MAGI2: variants seen among roughly 807,000 people sequenced by gnomAD.
MAGI2 encodes membrane associated guanylate kinase, WW and PDZ domain containing 2.
Under a neutral mutation model 133.3 loss-of-function variants are expected in MAGI2, and 35 were observed. The ratio of observed to expected loss-of-function variants is 0.26; its 90% CI spans 0.20 to 0.35. The LOEUF (loss-of-function observed/expected upper bound fraction) is 0.35, where lower values mean the gene tolerates loss of function less well. Ranked by LOEUF, MAGI2 falls within the 10% of genes least tolerant of loss-of-function variation. MAGI2 has a pLI of 1.00. For missense variants in MAGI2, 1,636 were observed against 1,863.4 expected (o/e 0.88, Z 2.25); for synonymous variants, 729 against 710.6 (o/e 1.03, Z -0.41).
At chr7:78,977,941 A>G (rs980842552) in intron 2 of MAGI2, among the ~76,000 whole-genome samples, 1 of 151,898 alleles carries the variant, frequency 6.6e-6, no homozygotes, top group Non-Finnish European at 1.5e-5. Context: ...ATCATTTGTC[A>G]TTAGGGAAAT....
intron 6 of MAGI2, among the ~76,000 whole-genome samples, chr7:78,377,974 G>C (rs927699580): frequency 1.3e-5 from 2 of 151,926 alleles, no homozygotes; most frequent in African/African-American, 4.8e-5. Context: ...ATAAAACCTA[G>C]AGATATTTTG....
intron 1 of MAGI2, among the ~76,000 whole-genome samples, chr7:79,315,325 A>ATTTTTTTT (rs775143230): frequency 2.2e-5 from 2 of 92,496 alleles, no homozygotes; most frequent in South Asian, 3.6e-4. Context: ...TGCCCAGTTA[A>ATTTTTTTT]TTTTTTTTTT....
At chr7:78,882,177 A>T (rs1795931794) in intron 2 of MAGI2, among the ~76,000 whole-genome samples, 1 of 150,174 alleles carries the variant, frequency 6.7e-6, no homozygotes, top group Non-Finnish European at 1.5e-5. Context: ...GATGAAGGTG[A>T]CATTACAACT....
chr7:79,367,598 G>A (rs942900250), intron 1 of MAGI2, among the ~76,000 whole-genome samples: 2 of 151,960 alleles, frequency 1.3e-5, no homozygotes, highest in East Asian at 1.9e-4. Context: ...GTTTGCAACA[G>A]TAATGACTTT....
chr7:78,067,341 G>T (rs886858924), intron 21 of MAGI2, among the ~76,000 whole-genome samples: 3 of 152,178 alleles, frequency 2.0e-5, no homozygotes. Context: ...CCAGAGCATG[G>T]TGGAAATAAA....
At chr7:78,224,342 C>T (rs1270163325) in intron 10 of MAGI2, among the ~76,000 whole-genome samples, 20 of 152,166 alleles carry the variant, frequency 1.3e-4, no homozygotes. Flanking sequence ...AGTCTTCGTA[C>T]TCACTTAGTT....
chr7:79,236,996 G>A (rs1296139002), intron 1 of MAGI2, among the ~76,000 whole-genome samples: 1 of 152,120 alleles, frequency 6.6e-6, no homozygotes, highest in African/African-American at 2.4e-5. Context: ...AATGAGCAAC[G>A]AGTGTGCCAC....
intron 1 of MAGI2, among the ~76,000 whole-genome samples, chr7:79,406,163 C>A (rs1444849191): frequency 3.3e-5 from 5 of 151,736 alleles, no homozygotes; most frequent in Admixed American, 6.6e-5. Context: ...GTTTTTTTGG[C>A]AATTGAAATC....
chr7:78,400,398 G>A lies in MAGI2; in HGVS notation c.1046-31185C>T, dbSNP rs1042849198. 8.5e-5 allele frequency among the ~76,000 whole-genome samples: 13 copies of A among 152,118 alleles called. 1 individual carries two copies. Among genetic ancestry groups the A allele is most frequent in the African/African-American group, 2.2e-4 (9 of 41,416 alleles). On this transcript the variant is annotated intron_variant, in intron 6 of 21. Transcript: ENST00000354212. ...AGCTCAAATAATCTCTCACAAAATA[G>A]ATTATAATATATTGTCAATCTTAAT...
chr7:78,524,695 AC>A (rs982628950), intron 3 of MAGI2, among the ~76,000 whole-genome samples: 81 of 152,328 alleles, frequency 5.3e-4, no homozygotes, highest in African/African-American at 1.9e-3. Context: ...TTCTGAGCAA[AC>A]AAAAATGAAC....
At chr7:79,129,176 A>G (rs895934470) in intron 1 of MAGI2, among the ~76,000 whole-genome samples, 5 of 152,124 alleles carry the variant, frequency 3.3e-5, no homozygotes, top group Non-Finnish European at 7.4e-5. Context: ...GGTCACCTCA[A>G]ATGTGCTCAG....
At chr7:78,327,120 A>G (rs991321366) in intron 9 of MAGI2, among the ~76,000 whole-genome samples, 5 of 152,180 alleles carry the variant, frequency 3.3e-5, no homozygotes, top group African/African-American at 1.2e-4. Flanking sequence ...CTCCTGCCAC[A>G]TTGGAGCACT....
At chr7:79,086,599 G>A (rs1816517140) in intron 1 of MAGI2, among the ~76,000 whole-genome samples, 1 of 151,648 alleles carries the variant, frequency 6.6e-6, no homozygotes, top group East Asian at 1.9e-4. Context: ...TGTTCTCATA[G>A]TTTAATGGAG....
chr7:78,723,343 A>C (rs991141830), intron 2 of MAGI2, among the ~76,000 whole-genome samples: 2 of 152,208 alleles, frequency 1.3e-5, no homozygotes, highest in Non-Finnish European at 2.9e-5. Context: ...TACTAAATTC[A>C]AGAAGGCCTG....
intron 2 of MAGI2, among the ~76,000 whole-genome samples, chr7:78,867,983 T>C (rs1324198513): frequency 6.6e-6 from 1 of 150,734 alleles, no homozygotes; most frequent in East Asian, 2.0e-4. Flanking sequence ...AGTGAAAAAA[T>C]GTAAGCTGAG....
rs78334069 is a variant in MAGI2 at position 78,271,179 on chromosome 7, G to C, written c.1409-14598C>G. On this transcript the variant is annotated intron_variant, in intron 9 of 21. Coordinates refer to ENST00000354212, the MANE Select transcript of MAGI2 (RefSeq NM_012301.4). ...TTTATTGAGAGTTTTTAGCATGAAG[G>C]GGTGTTGAATTTTATCAAAGGCCTT... Among the ~76,000 whole-genome samples, 298 of 152,166 alleles carry C rather than the reference G, an allele frequency of 2.0e-3. 2 individuals carry two copies. The highest frequency in any genetic ancestry group is 6.8e-3 in the Middle Eastern group (2 of 294).
chr7:78,799,742 T>C (rs1003670839), intron 2 of MAGI2, among the ~76,000 whole-genome samples: 3 of 152,192 alleles, frequency 2.0e-5, no homozygotes. Context: ...TTCTGTATTT[T>C]TCAAGTTCTT....
At chr7:78,316,128 T>C (rs1405987337) in intron 9 of MAGI2, among the ~76,000 whole-genome samples, 1 of 152,200 alleles carries the variant, frequency 6.6e-6, no homozygotes, top group East Asian at 1.9e-4. Flanking sequence ...TTTTACAAAG[T>C]GTCCTTTTAT....
intron 1 of MAGI2, among the ~76,000 whole-genome samples, chr7:79,245,848 T>C (rs62460857): frequency 0.016 from 2,477 of 152,300 alleles, 24 homozygotes; most frequent in Non-Finnish European, 0.024. Flanking sequence ...GCTTCAGGTG[T>C]GGCCCAGCAT....
Sources: allele counts gnomAD v4.1 joint callset (sites outside exome capture counted in the v4.1 genomes callset), GRCh38; gene constraint gnomAD v4.1.1; transcripts MANE v1.5; gene names NCBI Gene and HGNC (gene_info 2026-07-23, HGNC 2026-07-21).